Variants in PPP4R2 observed in about 807,000 individuals in gnomAD.
PPP4R2 encodes the protein serine/threonine-protein phosphatase 4 regulatory subunit 2.
PPP4R2 carries 13 observed loss-of-function variants against 47.2 expected under a neutral mutation model. The ratio of observed to expected loss-of-function variants is 0.28; its 90% CI spans 0.18 to 0.44. The LOEUF (loss-of-function observed/expected upper bound fraction) is 0.44. Among genes scored for constraint, PPP4R2 ranks in the 20% least tolerant of loss-of-function variants. The pLI, the probability that PPP4R2 is intolerant of heterozygous loss-of-function variation, is 1.00. For missense variants in PPP4R2, 421 were observed against 491.2 expected (o/e 0.86, Z 1.35); for synonymous variants, 151 against 163.3 (o/e 0.92, Z 0.57).
intron 2 of PPP4R2, among the ~76,000 whole-genome samples, chr3:73,004,735 C>T (rs1701558402): frequency 6.6e-6 from 1 of 152,112 alleles, no homozygotes; most frequent in African/African-American, 2.4e-5. Context: ...GAGGTGTCAC[C>T]ATGCCTGGCC....
chr3:73,045,774 G>T (rs574760897), intron 2 of PPP4R2, among the ~76,000 whole-genome samples: 5 of 152,208 alleles, frequency 3.3e-5, no homozygotes, highest in South Asian at 2.1e-4. Flanking sequence ...TGATCCGCCT[G>T]CTGGGTTTAC....
chr3:72,997,813 C>T (rs1701381370), intron 1 of PPP4R2, among the ~76,000 whole-genome samples: 1 of 152,024 alleles, frequency 6.6e-6, no homozygotes, highest in African/African-American at 2.4e-5. Flanking sequence ...CTGGTGTTCC[C>T]CCGGACCACA....
intron 2 of PPP4R2, among the ~76,000 whole-genome samples, chr3:73,003,608 GTC>G (rs1482018809): frequency 2.6e-5 from 4 of 152,058 alleles, no homozygotes; most frequent in African/African-American, 9.7e-5. Context: ...TATTCTCTCT[GTC>G]TCTCGTCAGT....
chr3:73,041,312 A>G (rs1267454925), intron 2 of PPP4R2, among the ~76,000 whole-genome samples: 2 of 152,220 alleles, frequency 1.3e-5, no homozygotes, highest in Non-Finnish European at 2.9e-5. Flanking sequence ...TTATAGAGAG[A>G]GTAATTTGTG....
intron 2 of PPP4R2, among the ~76,000 whole-genome samples, chr3:73,027,432 T>G (rs932897894): frequency 2.3e-4 from 35 of 152,166 alleles, no homozygotes; most frequent in African/African-American, 8.0e-4. Flanking sequence ...GCTATTCCCC[T>G]ATTAATTGCC....
chr3:73,060,374 A>G (rs907344470), intron 4 of PPP4R2, among the ~76,000 whole-genome samples: 1 of 152,200 alleles, frequency 6.6e-6, no homozygotes, highest in African/African-American at 2.4e-5. Flanking sequence ...CAGTAGTCAT[A>G]CCAGGTGCCC....
chr3:73,010,215 G>A (rs1559548377), intron 2 of PPP4R2, among the ~76,000 whole-genome samples: 1 of 151,540 alleles, frequency 6.6e-6, no homozygotes, highest in Non-Finnish European at 1.5e-5. Flanking sequence ...CAAAAAAATA[G>A]AAAACTTTTT....
chr3:73,023,247 G>A lies in PPP4R2; in HGVS notation c.117-23939G>A, dbSNP rs556659726. Among the ~76,000 whole-genome samples, 196 of 151,428 alleles carry A rather than the reference G, an allele frequency of 1.3e-3. 2 individuals carry two copies. Among genetic ancestry groups the A allele is most frequent in the African/African-American group, 4.4e-3 (183 of 41,246 alleles). On this transcript the variant is annotated intron_variant, in intron 2 of 8. Coordinates refer to ENST00000356692, the MANE Select transcript of PPP4R2 (RefSeq NM_174907.4). ...TGCCCTGACTGGAGTGCAATGGCGC[G>A]ATCTCAACCTCTGCTCACTGCAACC...
At chr3:73,063,928 T>A in intron 6 of PPP4R2, 75 bp from the exon 7 acceptor site, 2 of 1,343,756 alleles carry the variant, frequency 1.5e-6, no homozygotes, top group Non-Finnish European at 2.1e-6. Context: ...TTCTGTGATG[T>A]ATTCACATCA....
At chr3:73,002,629 CTTTTCT>C (rs1228147802) in intron 2 of PPP4R2, among the ~76,000 whole-genome samples, 33 of 83,008 alleles carry the variant, frequency 4.0e-4, no homozygotes, top group African/African-American at 1.4e-3. Context: ...CTTTTCTTTT[CTTTTCT>C]TTTTTTTTTT....
Position 73,063,983 on chromosome 3 carries a change from GT to G in PPP4R2, c.495-18del, listed in dbSNP as rs1255622366. On this transcript the variant is annotated intron_variant, in intron 6 of 8. Coordinates refer to ENST00000356692, the MANE Select transcript of PPP4R2 (RefSeq NM_174907.4). ...ACTTTTTATAAAAATAGGAAATGAT[GT>G]TCATTTATCTTATTATAGGTCTAAT... 6.4e-7 allele frequency: 1 copy of G among 1,563,658 alleles called. No homozygotes were observed. Among genetic ancestry groups the G allele is most frequent in the African/African-American group, 1.4e-5 (1 of 72,302 alleles).
At chr3:73,063,636 A>AG (rs1559570949) in intron 5 of PPP4R2, 37 bp from the exon 6 acceptor site, 1 of 1,305,302 alleles carries the variant, frequency 7.7e-7, no homozygotes, top group South Asian at 1.2e-5. Flanking sequence ...CTAAAAAAAA[A>AG]TTAAGTCATC....
chr3:72,999,439 T>A (rs1477761928), intron 2 of PPP4R2, among the ~76,000 whole-genome samples: 1 of 152,238 alleles, frequency 6.6e-6, no homozygotes, highest in Non-Finnish European at 1.5e-5. Flanking sequence ...GAATTGCTAG[T>A]CGGCACAGAC....
Position 73,015,038 on chromosome 3 carries a change from G to C in PPP4R2, c.116+16880G>C, listed in dbSNP as rs539260694. The C allele has an allele frequency of 8.3e-5, 47 of 569,648 alleles. No homozygotes were observed. The African/African-American group carries it at 8.3e-4, about 10-fold the overall frequency. The allele number at this position is 569,648 out of a possible 1,614,324, so 35.3% of individuals were successfully genotyped here. A position where few individuals can be genotyped will look rare whatever the true frequency, so the allele number is the denominator to read the frequency against. ...TTTCCTCGAAATATACTCCTGGCCT[G>C]TTTATTAATAAACATGCCAAAGCAA... On this transcript the variant is annotated intron_variant, in intron 2 of 8. Transcript: ENST00000356692.
intron 3 of PPP4R2, among the ~76,000 whole-genome samples, chr3:73,055,423 T>C (rs1702712396): frequency 1.0e-5 from 1 of 95,746 alleles, no homozygotes; most frequent in Non-Finnish European, 2.4e-5. Context: ...GTAGCGTGTG[T>C]GTGTGTGTGT....
chr3:73,052,579 G>A (rs1455860459), intron 3 of PPP4R2, among the ~76,000 whole-genome samples: 1 of 107,542 alleles, frequency 9.3e-6, no homozygotes, highest in Non-Finnish European at 2.0e-5. Flanking sequence ...ACACAAAGAG[G>A]CATTTTGTTG....
At chr3:73,016,733 A>G (rs6774989) in intron 2 of PPP4R2, among the ~76,000 whole-genome samples, 11 of 102,628 alleles carry the variant, frequency 1.1e-4, no homozygotes, top group Middle Eastern at 5.7e-3. Context: ...TTCATTGTTT[A>G]TTTTTATTAT....
chr3:73,016,539 C>T (rs1575848255), intron 2 of PPP4R2, among the ~76,000 whole-genome samples: 1 of 152,044 alleles, frequency 6.6e-6, no homozygotes, highest in African/African-American at 2.4e-5. Context: ...AAGTTTTCTT[C>T]TAGGACCTCT....
In PPP4R2 at chr3:73,002,360, C is replaced by T. The variant is rs74389140; in HGVS notation, c.116+4202C>T. Among the ~76,000 whole-genome samples the T allele has an allele frequency of 6.6e-3, 1,002 of 152,306 alleles. 8 individuals are homozygous for T. Among genetic ancestry groups the T allele is most frequent in the African/African-American group, 0.023 (950 of 41,570 alleles). ...CAAACTCTTAGGCTCAAGGGATCCT[C>T]TTGCCTCAGCCTCCTGAATAGCTAG... On this transcript the variant is annotated intron_variant, in intron 2 of 8. Transcript: ENST00000356692.
Sources: allele counts gnomAD v4.1 joint callset (sites outside exome capture counted in the v4.1 genomes callset), GRCh38; gene constraint gnomAD v4.1.1; transcripts MANE v1.5; gene names NCBI Gene and HGNC (gene_info 2026-07-23, HGNC 2026-07-21).